EPHA6: variants seen among roughly 807,000 people sequenced by gnomAD.
EPHA6 encodes the protein EPH receptor A6.
EPHA6 carries 50 observed loss-of-function variants against 112.0 expected under a neutral mutation model. That is an observed-to-expected ratio of 0.45 (90% confidence interval 0.36 to 0.56). The LOEUF (loss-of-function observed/expected upper bound fraction) is 0.56. Among genes scored for constraint, EPHA6 ranks in the 20% least tolerant of loss-of-function variants. The pLI is 0.00. For missense variants in EPHA6, 1,280 were observed against 1,417.4 expected, an observed-to-expected ratio of 0.90 and a Z score of 1.56; for synonymous variants, 529 against 490.7, an observed-to-expected ratio of 1.08 and a Z score of -1.03.
chr3:97,419,598 C>A (rs1201988503), intron 6 of EPHA6, among the ~76,000 whole-genome samples: 2 of 150,276 alleles, frequency 1.3e-5, no homozygotes, highest in Non-Finnish European at 2.9e-5. Flanking sequence ...ACAATCCAGC[C>A]TGTGTGACAG....
chr3:97,715,858 T>C (rs540592050), intron 14 of EPHA6, among the ~76,000 whole-genome samples: 1 of 152,346 alleles, frequency 6.6e-6, no homozygotes, highest in East Asian at 1.9e-4. Flanking sequence ...GAATATGACT[T>C]GGAAAACAAA....
At chr3:97,438,867 C>A (rs765829348) in intron 6 of EPHA6, among the ~76,000 whole-genome samples, 1 of 152,128 alleles carries the variant, frequency 6.6e-6, no homozygotes, top group Non-Finnish European at 1.5e-5. Context: ...TATAACCTTT[C>A]CAGTTTTCAT....
At chr3:96,892,364 G>T (rs2038013780) in intron 2 of EPHA6, among the ~76,000 whole-genome samples, 1 of 151,968 alleles carries the variant, frequency 6.6e-6, no homozygotes, top group South Asian at 2.1e-4. Flanking sequence ...GGGACTACAG[G>T]TGTCTACCAC....
At chr3:97,744,489 T>C (rs2035631673) in intron 16 of EPHA6, among the ~76,000 whole-genome samples, 1 of 151,980 alleles carries the variant, frequency 6.6e-6, no homozygotes, top group African/African-American at 2.4e-5. Context: ...TATTGCACAG[T>C]GTCTGTGAAC....
intron 13 of EPHA6, chr3:97,612,558 AAT>A: frequency 9.0e-6 from 2 of 221,052 alleles, no homozygotes; most frequent in Middle Eastern, 2.9e-3. Context: ...AAGAAACAAT[AAT>A]ATGTTACAAA....
chr3:97,708,511 A>G (rs1205316166), intron 14 of EPHA6, among the ~76,000 whole-genome samples: 1 of 152,254 alleles, frequency 6.6e-6, no homozygotes, highest in Non-Finnish European at 1.5e-5. Context: ...AGTTTGGAAA[A>G]TTTGAAGCCT....
intron 7 of EPHA6, among the ~76,000 whole-genome samples, chr3:97,452,446 G>A (rs76141573): frequency 0.016 from 2,411 of 151,582 alleles, 61 homozygotes; most frequent in African/African-American, 0.053. Context: ...TTTAATGTTC[G>A]CATTTTATGT....
At chr3:97,088,171 C>T (rs2046960011) in intron 3 of EPHA6, among the ~76,000 whole-genome samples, 1 of 151,940 alleles carries the variant, frequency 6.6e-6, no homozygotes, top group Non-Finnish European at 1.5e-5. Context: ...CAGAGCAAGA[C>T]TCCATCTAAA....
Position 97,756,438 on chromosome 3 carries a change from C to A in EPHA6, c.*7737C>A, listed in dbSNP as rs1329655343. On this transcript the variant is annotated 3_prime_UTR_variant, in exon 18 of 18. Transcript: ENST00000389672. ...ACCTCAAAGTATCTTTAAGACAATG[C>A]TGAATATCATACATAGTTAATAAAC... Among the ~76,000 whole-genome samples, 1 of 151,866 alleles carries A rather than the reference C, an allele frequency of 6.6e-6. No individual in the cohort carries two copies. Among genetic ancestry groups the A allele is most frequent in the African/African-American group, 2.4e-5 (1 of 41,400 alleles).
intron 3 of EPHA6, among the ~76,000 whole-genome samples, chr3:97,213,735 G>A (rs1433558582): frequency 6.6e-6 from 1 of 152,128 alleles, no homozygotes; most frequent in Non-Finnish European, 1.5e-5. Flanking sequence ...GCTGCTTTGT[G>A]TATTCTTCCT....
At chr3:97,245,005 A>C (rs2078947089) in intron 5 of EPHA6, among the ~76,000 whole-genome samples, 1 of 151,874 alleles carries the variant, frequency 6.6e-6, no homozygotes, top group Non-Finnish European at 1.5e-5. Context: ...GATTTTTAAA[A>C]CTCCTTTCGA....
intron 10 of EPHA6, among the ~76,000 whole-genome samples, chr3:97,486,632 A>T (rs1348290924): frequency 6.6e-6 from 1 of 152,076 alleles, no homozygotes; most frequent in Non-Finnish European, 1.5e-5. Context: ...GCATTAATCC[A>T]GTCATGAGGG....
chr3:97,695,381 C>A (rs1013725919), intron 14 of EPHA6, among the ~76,000 whole-genome samples: 3 of 152,288 alleles, frequency 2.0e-5, no homozygotes, highest in Non-Finnish European at 4.4e-5. Flanking sequence ...TTACTGTAGA[C>A]AGAGTGTACA....
At chr3:97,658,197 A>G (rs1288242044) in intron 14 of EPHA6, among the ~76,000 whole-genome samples, 2 of 151,926 alleles carry the variant, frequency 1.3e-5, no homozygotes, top group Non-Finnish European at 2.9e-5. Flanking sequence ...AACATGCTTT[A>G]TAATGAAGAG....
chr3:97,507,500 C>T (rs982796489), intron 10 of EPHA6, among the ~76,000 whole-genome samples: 1 of 152,118 alleles, frequency 6.6e-6, no homozygotes, highest in Non-Finnish European at 1.5e-5. Context: ...AGCCTTGCAT[C>T]CCAGGGGTGA....
chr3:97,522,464 G>C (rs913313043), intron 10 of EPHA6, among the ~76,000 whole-genome samples: 12 of 152,068 alleles, frequency 7.9e-5, no homozygotes, highest in Non-Finnish European at 2.9e-5. Context: ...ATTTTGTTGA[G>C]TATTTTTTCA....
rs535505754 is a variant in EPHA6, at chr3:97,481,100, G to T, written c.2074+1736G>T. ...GCAGCGGGGCAGAGGCTGCAATCTC[G>T]ACACTTTGGGAGGCCAAGGCAGGTG... On this transcript the variant is annotated intron_variant, in intron 9 of 17. Transcript: ENST00000389672. 1.3e-3 allele frequency: 684 copies of T among 534,034 alleles called. 7 individuals carry two copies. The highest frequency in any genetic ancestry group is 0.011 in the South Asian group (641 of 59,736). 33.1% of individuals were successfully genotyped at this position (534,034 alleles called of 1,614,324 possible). A position where few individuals can be genotyped will look rare whatever the true frequency, so the allele number is the denominator to read the frequency against.
chr3:97,300,198 G>C (rs1034984005), intron 5 of EPHA6, among the ~76,000 whole-genome samples: 2 of 151,980 alleles, frequency 1.3e-5, no homozygotes, highest in Non-Finnish European at 2.9e-5. Flanking sequence ...AAACTGAATG[G>C]AGAAAAGTCA....
At chr3:97,440,110 A>G (rs1560010918) in intron 6 of EPHA6, among the ~76,000 whole-genome samples, 1 of 152,164 alleles carries the variant, frequency 6.6e-6, no homozygotes, top group African/African-American at 2.4e-5. Context: ...ACGGATGCAC[A>G]TTCAATAAGT....
Sources: gnomAD v4.1 joint callset for allele counts (sites outside exome capture counted in the v4.1 genomes callset) on GRCh38, gnomAD v4.1.1 for gene constraint, MANE v1.5 for transcripts, NCBI Gene and HGNC (gene_info 2026-07-23, HGNC 2026-07-21) for gene names.